The following TFEC variants were observed in gnomAD, a reference collection of about 807,000 sequenced individuals.
The protein encoded by TFEC is transcription factor EC.
Under a neutral mutation model 41.6 loss-of-function variants are expected in TFEC, and 31 were observed. The observed-to-expected ratio is 0.74, with a 90% CI of 0.56 to 1.01. TFEC has a LOEUF of 1.01. TFEC is among the 50% of genes least tolerant of loss of function. TFEC has a pLI of 0.00. For synonymous variants in TFEC, 143 were observed against 140.6 expected, an observed-to-expected ratio of 1.02 and a Z score of -0.12; for missense variants, 402 against 404.1, an observed-to-expected ratio of 0.99 and a Z score of 0.04.
chr7:116,051,735 A>G (rs1337559600), intron 3 of TFEC, among the ~76,000 whole-genome samples: 2 of 152,190 alleles, frequency 1.3e-5, no homozygotes, highest in South Asian at 4.1e-4. Flanking sequence ...ATAATAGTAA[A>G]AATAGCTACA....
chr7:116,082,927 T>C (rs181250992), intron 3 of TFEC, among the ~76,000 whole-genome samples: 52 of 151,996 alleles, frequency 3.4e-4, no homozygotes, highest in Admixed American at 7.2e-4. Flanking sequence ...TGTAATACTT[T>C]ACTGTAATTT....
intron 1 of TFEC, among the ~76,000 whole-genome samples, chr7:116,150,724 T>C (rs1444554540): frequency 6.6e-6 from 1 of 152,124 alleles, no homozygotes; most frequent in Non-Finnish European, 1.5e-5. Flanking sequence ...TTTAATATTA[T>C]GCTAAAGGAA....
In TFEC at chr7:116,109,820, C is replaced by G. The variant is rs537469171; in HGVS notation, c.198+888G>C. ...ATTCACAATAGCAAAGACTTGGAAC[C>G]AACCCAAATGTCCATCAATGATAGA... On this transcript the variant is annotated intron_variant, in intron 3 of 8. Coordinates refer to the TFEC transcript ENST00000484212. Among the ~76,000 whole-genome samples the G allele has an allele frequency of 3.3e-3, 499 of 152,254 alleles. 4 individuals are homozygous for G. The highest frequency in any genetic ancestry group is 0.011 in the African/African-American group (469 of 41,548).
intron 3 of TFEC, among the ~76,000 whole-genome samples, chr7:116,086,998 T>C (rs1797218192): frequency 6.6e-6 from 1 of 151,938 alleles, no homozygotes; most frequent in Admixed American, 6.6e-5. Flanking sequence ...ATGGAGTTAT[T>C]TTCCACTGGT....
chr7:116,123,957 T>C (rs1798159872), intron 1 of TFEC, among the ~76,000 whole-genome samples: 2 of 152,092 alleles, frequency 1.3e-5, no homozygotes, highest in African/African-American at 2.4e-5. Flanking sequence ...ATGACTGATA[T>C]AGAAATGGAT....
At chr7:116,054,464 T>C (rs1316939461) in intron 3 of TFEC, among the ~76,000 whole-genome samples, 4 of 152,120 alleles carry the variant, frequency 2.6e-5, no homozygotes, top group African/African-American at 4.8e-5. Flanking sequence ...ACTGGAAATA[T>C]TATATAGCAG....
At chr7:116,084,511 G>A (rs1482716222) in intron 3 of TFEC, among the ~76,000 whole-genome samples, 1 of 151,754 alleles carries the variant, frequency 6.6e-6, no homozygotes, top group Non-Finnish European at 1.5e-5. Flanking sequence ...TGTTAGCCAA[G>A]ATCTGAACAG....
At chr7:116,020,510 C>T (rs951879762) in intron 1 of TFEC, among the ~76,000 whole-genome samples, 6 of 152,092 alleles carry the variant, frequency 3.9e-5, no homozygotes, top group African/African-American at 1.2e-4. Context: ...CTGTGGGATT[C>T]GATTTAGTTC....
At chr7:116,154,439 A>T (rs567591946) in intron 1 of TFEC, among the ~76,000 whole-genome samples, 1 of 152,122 alleles carries the variant, frequency 6.6e-6, no homozygotes, top group Admixed American at 6.5e-5. Context: ...CAAGAGTTTC[A>T]TAATTCTTGA....
intron 5 of TFEC, among the ~76,000 whole-genome samples, chr7:115,951,584 C>G (rs998807370): frequency 9.2e-5 from 14 of 151,886 alleles, no homozygotes; most frequent in African/African-American, 3.4e-4. Context: ...TTAGACACAC[C>G]TGGAAGGATT....
At chr7:116,032,909 A>G (rs186745304), upstream of TFEC, among the ~76,000 whole-genome samples, 52 of 152,298 alleles carry the variant, frequency 3.4e-4, no homozygotes, top group Admixed American at 2.8e-3. Flanking sequence ...AATAGTTTAT[A>G]AACCAAACTT....
At chr7:116,145,748 T>G (rs548542013) in intron 1 of TFEC, among the ~76,000 whole-genome samples, 1 of 152,308 alleles carries the variant, frequency 6.6e-6, no homozygotes, top group Non-Finnish European at 1.5e-5. Flanking sequence ...GGACTTGAAT[T>G]CTTCACTTAC....
chr7:116,114,191 A>G (rs528264778), intron 1 of TFEC, among the ~76,000 whole-genome samples: 1 of 152,184 alleles, frequency 6.6e-6, no homozygotes, highest in African/African-American at 2.4e-5. Context: ...TATTAATAGT[A>G]TGATAAGCTA....
intron 3 of TFEC, among the ~76,000 whole-genome samples, chr7:116,084,169 T>C (rs1370174639): frequency 6.6e-6 from 1 of 151,950 alleles, no homozygotes; most frequent in Non-Finnish European, 1.5e-5. Flanking sequence ...AGCCACCTTG[T>C]ATTATGCCAA....
chr7:116,017,454 C>T (rs12669380), intron 1 of TFEC, among the ~76,000 whole-genome samples: 14,661 of 152,114 alleles, frequency 0.096, 1,058 homozygotes, highest in East Asian at 0.38. Context: ...AACTCCTGAC[C>T]TGGTGATCTG....
At chr7:116,127,392 G>GT (rs1322005103) in intron 1 of TFEC, among the ~76,000 whole-genome samples, 2 of 152,092 alleles carry the variant, frequency 1.3e-5, no homozygotes, top group Non-Finnish European at 2.9e-5. Context: ...CTGGGCTTTG[G>GT]TTTTTTATCC....
In TFEC at chr7:115,977,388, T is replaced by C. The variant is rs563991105; in HGVS notation, c.181-3132A>G. On this transcript the variant is annotated intron_variant, in intron 2 of 7. Transcript: ENST00000265440. The stretch of plus-strand genomic sequence containing the variant: ...ATTTATGTTTTCAGATATGTGAAAA[T>C]AAAGGTTTACAAAAGAACAAAACTT... Among the ~76,000 whole-genome samples the C allele has an allele frequency of 7.2e-5, 11 of 152,020 alleles. No individual in the cohort carries two copies. The South Asian group carries it at 2.3e-3, about 32-fold the overall frequency.
At position 116,025,598 on chromosome 7, in the gene TFEC, C is replaced by G. The variant is rs552325613; in HGVS notation, c.-73+5035G>C. On this transcript the variant is annotated intron_variant, in intron 1 of 7. Coordinates refer to ENST00000265440, the MANE Select transcript of TFEC (RefSeq NM_012252.4). ...GTGAAATCTTCAGGAAATACACACA[C>G]ACAGACAGACAGACTTACTCATAGT... 2.6e-5 allele frequency among the ~76,000 whole-genome samples: 4 copies of G among 152,270 alleles called. No homozygotes were observed. The South Asian group carries it at 8.3e-4, about 32-fold the overall frequency.
intron 1 of TFEC, among the ~76,000 whole-genome samples, chr7:116,144,388 A>C (rs1798601445): frequency 6.6e-6 from 1 of 152,180 alleles, no homozygotes; most frequent in South Asian, 2.1e-4. Context: ...CAGTCCACTA[A>C]AATTTTATAA....
Sources: allele counts gnomAD v4.1 joint callset (sites outside exome capture counted in the v4.1 genomes callset), GRCh38; gene constraint gnomAD v4.1.1; transcripts MANE v1.5; gene names NCBI Gene and HGNC (gene_info 2026-07-23, HGNC 2026-07-21).